Variants in SNX31 observed in about 807,000 individuals in gnomAD.
SNX31 encodes sorting nexin 31.
Under a neutral mutation model 65.4 loss-of-function variants are expected in SNX31, and 58 were observed. The ratio of observed to expected loss-of-function variants is 0.89; its 90% CI spans 0.72 to 1.10. SNX31 has a LOEUF of 1.10. SNX31 is among the 50% of genes least tolerant of loss of function. The pLI is 0.00. For missense variants in SNX31, 523 were observed against 529.7 expected, an observed-to-expected ratio of 0.99 and a Z score of 0.12; for synonymous variants, 181 against 190.1, an observed-to-expected ratio of 0.95 and a Z score of 0.39.
At position 100,585,561 on chromosome 8, in the gene SNX31, A is replaced by G. The variant is rs56877541; in HGVS notation, c.1093-1373T>C. On this transcript the variant is annotated intron_variant, in intron 11 of 13. Coordinates refer to ENST00000311812, the MANE Select transcript of SNX31 (RefSeq NM_152628.4). ...AGCATTACAGGAATTAATTTTATTT[A>G]AAAGGGGAAAAGAGGGAAGAGAGAA... Among the ~76,000 whole-genome samples, 875 of 152,270 alleles carry G rather than the reference A, an allele frequency of 5.7e-3. 13 individuals carry two copies. Among genetic ancestry groups the G allele is most frequent in the African/African-American group, 0.019 (794 of 41,550 alleles).
intron 1 of SNX31, among the ~76,000 whole-genome samples, chr8:100,655,636 C>T (rs1441520110): frequency 1.3e-5 from 2 of 152,210 alleles, no homozygotes; most frequent in African/African-American, 4.8e-5. Flanking sequence ...ATCCATTAAA[C>T]CTCTTTTTCT....
intron 12 of SNX31, among the ~76,000 whole-genome samples, chr8:100,582,733 T>A (rs1813658786): frequency 6.6e-6 from 1 of 151,990 alleles, no homozygotes. Context: ...ATCCCAGCAC[T>A]TTAGGAGGCC....
rs772647561 is a variant in SNX31, at chr8:100,596,751, A to G, written c.866T>C (p.Val289Ala). 1 of 1,614,126 alleles carries G rather than the reference A, an allele frequency of 6.2e-7. No homozygotes were observed. Among genetic ancestry groups the G allele is most frequent in the Non-Finnish European group, 8.5e-7 (1 of 1,180,022 alleles). ...GATCTCATTATTGCCAACAGAAAGA[A>G]CAGCTCCAGAGCCTGATTCTGGGTA... ...CDYPESGSGA[V>A]LSVGNNEISC... The change falls in exon 10 of 14, where the codon GTT (valine) becomes GCT (alanine). Residue 289 changes from valine to alanine, a missense_variant. Physicochemically the swap from Val to Ala is moderately conservative, Grantham distance 64. Coordinates refer to ENST00000311812, the MANE Select transcript of SNX31 (RefSeq NM_152628.4).
At chr8:100,615,675 T>TTATAGTAG (rs1817109381) in intron 5 of SNX31, among the ~76,000 whole-genome samples, 1 of 152,236 alleles carries the variant, frequency 6.6e-6, no homozygotes. Context: ...TAGCCCAGGT[T>TTATAGTAG]TATAGTAGTA....
intron 1 of SNX31, among the ~76,000 whole-genome samples, chr8:100,656,114 TTGTACC>T (rs1820048959): frequency 6.6e-6 from 1 of 152,140 alleles, no homozygotes; most frequent in East Asian, 1.9e-4. Flanking sequence ...CTGTTTTACA[TTGTACC>T]TGTTCACATT....
upstream of SNX31, among the ~76,000 whole-genome samples, chr8:100,650,850 G>GTTTTTTTTTTTT (rs58797178): frequency 1.5e-5 from 2 of 136,970 alleles, no homozygotes; most frequent in Admixed American, 7.3e-5. Context: ...GTGTTTTTTT[G>GTTTTTTTTTTTT]TTTTTTTTTT....
At chr8:100,581,886 C>T (rs1813589559) in intron 12 of SNX31, among the ~76,000 whole-genome samples, 1 of 152,162 alleles carries the variant, frequency 6.6e-6, no homozygotes, top group Admixed American at 6.6e-5. Context: ...GAACTGTCTG[C>T]TCTCTCTACC....
At chr8:100,653,324 C>T (rs1242899420), upstream of SNX31, among the ~76,000 whole-genome samples, 2 of 152,162 alleles carry the variant, frequency 1.3e-5, no homozygotes, top group East Asian at 3.9e-4. Context: ...GTCCAGAACA[C>T]CTACTCAGAG....
intron 12 of SNX31, among the ~76,000 whole-genome samples, chr8:100,580,744 C>T (rs186775045): frequency 6.6e-6 from 1 of 152,292 alleles, no homozygotes; most frequent in Admixed American, 6.5e-5. Flanking sequence ...CCCTAGACTG[C>T]CTACCTCTGG....
At chr8:100,580,420 C>T (rs1813394888) in intron 12 of SNX31, among the ~76,000 whole-genome samples, 1 of 151,914 alleles carries the variant, frequency 6.6e-6, no homozygotes, top group African/African-American at 2.4e-5. Context: ...GTAATTACAC[C>T]CAGTTTTATT....
At chr8:100,643,960 T>C (rs1448425967) in intron 2 of SNX31, among the ~76,000 whole-genome samples, 1 of 152,180 alleles carries the variant, frequency 6.6e-6, no homozygotes, top group African/African-American at 2.4e-5. Flanking sequence ...CAAGGAGGAC[T>C]TCCTGGAGGA....
At chr8:100,642,078 C>CAAAA (rs1293188908) in intron 2 of SNX31, among the ~76,000 whole-genome samples, 1 of 40,944 alleles carries the variant, frequency 2.4e-5, no homozygotes. Context: ...GACTCCATCT[C>CAAAA]AAACAAACAA....
At chr8:100,663,033 C>T (rs2131319282) in intron 1 of SNX31, 1 of 152,308 alleles carries the variant, frequency 6.6e-6, no homozygotes, top group Admixed American at 6.5e-5. Flanking sequence ...AAACAAACTA[C>T]CACATGTTCT....
At chr8:100,598,780 A>G (rs1019377904) in intron 9 of SNX31, among the ~76,000 whole-genome samples, 2 of 152,378 alleles carry the variant, frequency 1.3e-5, no homozygotes, top group African/African-American at 4.8e-5. Flanking sequence ...ACCATCTAGT[A>G]AACATTTTCA....
At chr8:100,599,135 T>A (rs1462875122) in intron 9 of SNX31, among the ~76,000 whole-genome samples, 1 of 152,236 alleles carries the variant, frequency 6.6e-6, no homozygotes, top group East Asian at 1.9e-4. Context: ...ATTAAATTTT[T>A]AAATTCAATT....
At chr8:100,605,408 C>T (rs575102633) in intron 8 of SNX31, among the ~76,000 whole-genome samples, 61 of 152,210 alleles carry the variant, frequency 4.0e-4, no homozygotes, top group South Asian at 8.3e-4. Flanking sequence ...CTTCTTAGCT[C>T]CTCTACCCAG....
At position 100,604,714 on chromosome 8, in the gene SNX31, A is replaced by G. The variant is rs1318283189; in HGVS notation, c.681+3780T>C. ...AATCTCTCATTTTTAAACTCAGGTT[A>G]AAAGAGGAGCAGAAGAAAGGAAACA... On this transcript the variant is annotated intron_variant, in intron 8 of 13. Coordinates refer to ENST00000311812, the MANE Select transcript of SNX31 (RefSeq NM_152628.4). This position sits in a 1 kb window ranked among gnomAD's most constrained non-coding sequence, Gnocchi z 4.3. Among the ~76,000 whole-genome samples, 1 of 152,250 alleles carries G rather than the reference A, an allele frequency of 6.6e-6. No individual in the cohort carries two copies. The highest frequency in any genetic ancestry group is 6.5e-5 in the Admixed American group (1 of 15,290).
chr8:100,618,342 T>A, intron 4 of SNX31: 1 of 1,534,900 alleles, frequency 6.5e-7, no homozygotes, highest in Admixed American at 2.0e-5. Flanking sequence ...CAGTTTTCAG[T>A]ATTTCCAAGC....
At chr8:100,580,800 A>G (rs1018825628) in intron 12 of SNX31, among the ~76,000 whole-genome samples, 1 of 152,152 alleles carries the variant, frequency 6.6e-6, no homozygotes, top group Non-Finnish European at 1.5e-5. Flanking sequence ...TGTCTAAGAC[A>G]CTTGTTTTGT....
Sources: allele counts gnomAD v4.1 joint callset (sites outside exome capture counted in the v4.1 genomes callset), GRCh38; gene constraint gnomAD v4.1.1; non-coding constraint Gnocchi (gnomAD v3.1); transcripts MANE v1.5; gene names NCBI Gene and HGNC (gene_info 2026-07-23, HGNC 2026-07-21).